Variants in GPHN observed in about 807,000 individuals in gnomAD.
GPHN encodes gephyrin.
A neutral mutation model predicts 95.5 loss-of-function variants in GPHN; 17 were observed. The observed-to-expected ratio is 0.18, with a 90% confidence interval of 0.12 to 0.27. GPHN has a LOEUF of 0.27. GPHN is among the 10% of genes least tolerant of loss of function. GPHN has a pLI of 1.00. For synonymous variants in GPHN, 320 were observed against 322.5 expected (o/e 0.99, Z 0.08); for missense variants, 660 against 978.1 (o/e 0.67, Z 4.34).
At chr14:66,792,294 G>A (rs2059998114) in intron 3 of GPHN, among the ~76,000 whole-genome samples, 1 of 152,034 alleles carries the variant, frequency 6.6e-6, no homozygotes, top group South Asian at 2.1e-4. Context: ...CTTGAGACCA[G>A]GAGTTCAAGA....
At chr14:67,338,982 A>G in the GPHN span, among the ~76,000 whole-genome samples, 3 of 150,768 alleles carry the variant, frequency 2.0e-5, no homozygotes, top group Non-Finnish European at 3.0e-5. Context: ...ATTTAACCTG[A>G]GACAGAAGCC....
the GPHN span, among the ~76,000 whole-genome samples, chr14:67,211,179 G>T: frequency 3.9e-5 from 6 of 152,238 alleles, no homozygotes; most frequent in South Asian, 1.2e-3. Flanking sequence ...GGATTAAATA[G>T]CTGATATTAA....
the GPHN span, among the ~76,000 whole-genome samples, chr14:67,351,682 T>C: frequency 6.6e-6 from 1 of 151,886 alleles, no homozygotes; most frequent in Non-Finnish European, 1.5e-5. Context: ...CTAATTTTCT[T>C]CTTCTTCTTC....
chr14:67,054,439 G>A (rs1443179499), intron 10 of GPHN, among the ~76,000 whole-genome samples: 2 of 152,106 alleles, frequency 1.3e-5, no homozygotes, highest in Non-Finnish European at 2.9e-5. Context: ...TGCTGCTCAA[G>A]GAAATCAGAG....
chr14:66,611,949 G>A lies in GPHN; in HGVS notation c.65-69158G>A, dbSNP rs557528887. On this transcript the variant is annotated intron_variant, in intron 1 of 22. Coordinates refer to ENST00000478722, the MANE Select transcript of GPHN (RefSeq NM_020806.5). ...AGAATAATTCCCCATTGACTAATGT[G>A]TTTTCTGTGGCCTAACATTTCTATC... Among the ~76,000 whole-genome samples, 19 of 152,190 alleles carry A rather than the reference G, an allele frequency of 1.2e-4. No homozygotes were observed. The South Asian group carries it at 3.1e-3, about 25-fold the overall frequency.
chr14:67,057,325 T>G (rs1297364674), intron 10 of GPHN, among the ~76,000 whole-genome samples: 1 of 147,970 alleles, frequency 6.8e-6, no homozygotes, highest in Non-Finnish European at 1.5e-5. Context: ...TTATCCTCAG[T>G]AAACTAACAC....
the GPHN span, among the ~76,000 whole-genome samples, chr14:67,315,815 C>T: frequency 6.6e-6 from 1 of 152,198 alleles, no homozygotes; most frequent in Non-Finnish European, 1.5e-5. Flanking sequence ...ATCCCAGCTG[C>T]TCGGGAGGCT....
intron 2 of GPHN, among the ~76,000 whole-genome samples, chr14:66,767,079 A>G (rs994097530): frequency 6.6e-6 from 1 of 152,000 alleles, no homozygotes; most frequent in Non-Finnish European, 1.5e-5. Context: ...TTTTCAAACT[A>G]TGTGTTGAAA....
At chr14:66,970,131 T>C (rs1055379603) in intron 9 of GPHN, among the ~76,000 whole-genome samples, 1 of 149,556 alleles carries the variant, frequency 6.7e-6, no homozygotes, top group Admixed American at 6.7e-5. Context: ...ATAAATACTA[T>C]CAATATCTAA....
At chr14:67,575,509 C>A in the GPHN span, 1 of 1,325,126 alleles carries the variant, frequency 7.5e-7, no homozygotes, top group Non-Finnish European at 1.1e-6. Flanking sequence ...CACTCTCCTG[C>A]TTCCCCCGAA....
At chr14:67,102,212 C>A (rs368934350) in intron 13 of GPHN, among the ~76,000 whole-genome samples, 199 of 152,064 alleles carry the variant, frequency 1.3e-3, no homozygotes, top group African/African-American at 4.4e-3. Context: ...ATCTGTCAAT[C>A]CGGTGAGTTA....
At chr14:67,573,317 C>G in the GPHN span, 1 of 1,613,610 alleles carries the variant, frequency 6.2e-7, no homozygotes, top group Non-Finnish European at 8.5e-7. The surrounding 1 kb of genome is among the most constrained non-coding windows in gnomAD (Gnocchi z 4.8). Flanking sequence ...AAATGGGGAG[C>G]CAGGTGAAGA....
the GPHN span, among the ~76,000 whole-genome samples, chr14:67,458,973 C>T: frequency 2.6e-5 from 4 of 152,326 alleles, no homozygotes; most frequent in South Asian, 4.1e-4. Context: ...CTGCAACCTC[C>T]GCCTGCTGGG....
At chr14:67,473,436 T>C in the GPHN span, 35 of 1,613,932 alleles carry the variant, frequency 2.2e-5, no homozygotes, top group Non-Finnish European at 2.8e-5. This position sits in a 1 kb window ranked among gnomAD's most constrained non-coding sequence, Gnocchi z 6.5. Flanking sequence ...AGTCTTGACA[T>C]GGCCGTTGGC....
At chr14:66,592,961 A>G (rs1419485934) in intron 1 of GPHN, among the ~76,000 whole-genome samples, 1 of 152,250 alleles carries the variant, frequency 6.6e-6, no homozygotes, top group East Asian at 1.9e-4. Flanking sequence ...ATGGAATACT[A>G]TGGAGCCATA....
At chr14:66,722,891 C>T (rs1030540239) in intron 2 of GPHN, among the ~76,000 whole-genome samples, 21 of 152,210 alleles carry the variant, frequency 1.4e-4, no homozygotes, top group South Asian at 2.1e-4. Flanking sequence ...CAGTTTTTGT[C>T]CTGTTCTTTT....
At chr14:66,920,482 A>T (rs1287103207) in intron 6 of GPHN, among the ~76,000 whole-genome samples, 1 of 151,136 alleles carries the variant, frequency 6.6e-6, no homozygotes, top group African/African-American at 2.4e-5. Flanking sequence ...TGCATCTTTC[A>T]ACTACCAAGT....
intron 1 of GPHN, among the ~76,000 whole-genome samples, chr14:66,652,860 T>C (rs1487443716): frequency 6.6e-6 from 1 of 152,168 alleles, no homozygotes; most frequent in Admixed American, 6.5e-5. Context: ...CGCTCAGAGC[T>C]ATATGAAGAG....
At chr14:66,992,578 A>C (rs1361954961) in intron 9 of GPHN, among the ~76,000 whole-genome samples, 1 of 152,152 alleles carries the variant, frequency 6.6e-6, no homozygotes, top group Non-Finnish European at 1.5e-5. Context: ...GATTTTATAG[A>C]TCTTTAAAGA....
Sources: allele counts gnomAD v4.1 joint callset (sites outside exome capture counted in the v4.1 genomes callset), GRCh38; gene constraint gnomAD v4.1.1; non-coding constraint Gnocchi (gnomAD v3.1); transcripts MANE v1.5; gene names NCBI Gene and HGNC (gene_info 2026-07-23, HGNC 2026-07-21).